The following HORMAD2 variants were observed in gnomAD, a reference collection of about 807,000 sequenced individuals.
The protein encoded by HORMAD2 is HORMA domain containing 2, also known as HORMA domain-containing protein 2.
HORMAD2 carries 45 observed loss-of-function variants against 38.8 expected under a neutral mutation model. That is an observed-to-expected ratio of 1.16 (90% CI 0.91 to 1.49). The LOEUF is 1.49. Among genes scored for constraint, HORMAD2 ranks in the 40% most tolerant of loss-of-function variants. The pLI, the probability that HORMAD2 is intolerant of heterozygous loss-of-function variation, is 0.00. For synonymous variants in HORMAD2, 126 were observed against 122.8 expected (o/e 1.03, Z -0.17); for missense variants, 338 against 367.0 (o/e 0.92, Z 0.65).
rs775369095 is a variant in HORMAD2, at chr22:30,098,946, T to C, written c.146T>C (p.Leu49Pro). Residue 49 changes from leucine to proline, a missense_variant, in exon 3 of 11, where the codon CTA becomes CCA. Coordinates refer to ENST00000336726, the MANE Select transcript of HORMAD2 (RefSeq NM_152510.4). ...FATSISCITYLRGLFPESSYG... is the reference protein window; with the variant it reads ...FATSISCITYPRGLFPESSYG... ...ACTTCCATCTCATGTATAACATACC[T>C]AAGGGGCCTGTTTCCAGAGAGCTCT... 5.0e-6 allele frequency: 8 copies of C among 1,613,080 alleles called. No homozygotes were observed. The Admixed American group carries it at 1.2e-4, about 24-fold the overall frequency.
the HORMAD2 span, among the ~76,000 whole-genome samples, chr22:30,194,849 G>T: frequency 1.3e-5 from 2 of 152,116 alleles, no homozygotes; most frequent in African/African-American, 4.8e-5. Context: ...TTTATAGCCC[G>T]TGTTGGTCAT....
chr22:30,190,317 A>C, the HORMAD2 span, among the ~76,000 whole-genome samples: 2 of 152,248 alleles, frequency 1.3e-5, no homozygotes, highest in Non-Finnish European at 2.9e-5. Context: ...CTGCAGTTCA[A>C]GTACATTTCA....
At chr22:30,155,422 G>A (rs1318562776) in intron 10 of HORMAD2, among the ~76,000 whole-genome samples, 1 of 152,106 alleles carries the variant, frequency 6.6e-6, no homozygotes, top group Non-Finnish European at 1.5e-5. Context: ...TCTCTAAGAT[G>A]TTGCCAGTGG....
intron 10 of HORMAD2, among the ~76,000 whole-genome samples, chr22:30,139,254 CTATATATATATA>C (rs3067131): frequency 0.068 from 6,604 of 96,738 alleles, 311 homozygotes; most frequent in South Asian, 0.13. Flanking sequence ...ATGAACTGTA[CTATATATATATA>C]TATATATATA....
In HORMAD2 at chr22:30,122,107, G is replaced by A; in HGVS notation, c.712G>A (p.Ala238Thr). Reference protein sequence around the residue: ...HSMKVKVMTEATKVIDLENNL... With the variant: ...HSMKVKVMTETTKVIDLENNL... Reference sequence around the variant, plus strand: ...CATGAAAGTAAAAGTCATGACAGAGGCTACAAAAGTGATTGATTTGGAGAA... The same window carrying A: ...CATGAAAGTAAAAGTCATGACAGAGACTACAAAAGTGATTGATTTGGAGAA... Residue 238 changes from alanine (A) to threonine (T), a missense_variant, in exon 10 of 11, where the codon GCT (alanine) becomes ACT (threonine). Ala to Thr is a moderately conservative substitution (Grantham distance 58). Transcript: ENST00000336726. 6.2e-7 allele frequency: 1 copy of A among 1,613,730 alleles called. No individual in the cohort carries two copies. Among genetic ancestry groups the A allele is most frequent in the Non-Finnish European group, 8.5e-7 (1 of 1,179,786 alleles).
chr22:30,196,553 A>G, the HORMAD2 span, among the ~76,000 whole-genome samples: 1 of 152,220 alleles, frequency 6.6e-6, no homozygotes, highest in South Asian at 2.1e-4. Flanking sequence ...GTTGGCCAGC[A>G]GCTCAGATAA....
At chr22:30,182,157 G>A in the HORMAD2 span, among the ~76,000 whole-genome samples, 10 of 152,132 alleles carry the variant, frequency 6.6e-5, no homozygotes, top group Admixed American at 5.9e-4. Flanking sequence ...GACTCTGTTC[G>A]ACAATTTTAA....
At chr22:30,086,469 A>G (rs575256562) in intron 1 of HORMAD2, among the ~76,000 whole-genome samples, 41 of 152,298 alleles carry the variant, frequency 2.7e-4, no homozygotes, top group African/African-American at 9.4e-4. Context: ...AGGTAAGAAT[A>G]GCTGGTAAAT....
At chr22:30,121,828 TG>T in intron 9 of HORMAD2, 39 bp downstream of exon 9, 1 of 1,574,836 alleles carries the variant, frequency 6.3e-7, no homozygotes, top group Non-Finnish European at 8.6e-7. Context: ...CCTTAAGTGC[TG>T]AGCTAATATT....
At chr22:30,200,828 C>A in the HORMAD2 span, among the ~76,000 whole-genome samples, 1 of 151,818 alleles carries the variant, frequency 6.6e-6, no homozygotes, top group East Asian at 1.9e-4. Flanking sequence ...TGGCTCACTG[C>A]AACCTCTGCC....
chr22:30,109,035 C>CT (rs952075292), intron 5 of HORMAD2, among the ~76,000 whole-genome samples: 92 of 133,226 alleles, frequency 6.9e-4, no homozygotes, highest in South Asian at 7.2e-4. Flanking sequence ...TTCCTTTCTT[C>CT]TTTTTTTTTT....
At chr22:30,095,105 A>G (rs2068759116) in intron 2 of HORMAD2, among the ~76,000 whole-genome samples, 1 of 152,190 alleles carries the variant, frequency 6.6e-6, no homozygotes, top group African/African-American at 2.4e-5. Flanking sequence ...AAAACTGGCA[A>G]TCGAAAAATC....
At chr22:30,082,530 T>C (rs538629037) in intron 1 of HORMAD2, among the ~76,000 whole-genome samples, 6 of 152,072 alleles carry the variant, frequency 3.9e-5, no homozygotes, top group African/African-American at 1.4e-4. Context: ...GTGTCTCATA[T>C]GTGTAATCCC....
chr22:30,087,840 A>G (rs936754023), intron 1 of HORMAD2, among the ~76,000 whole-genome samples: 3 of 152,180 alleles, frequency 2.0e-5, no homozygotes, highest in African/African-American at 7.2e-5. Flanking sequence ...GAAACTGCCC[A>G]GATGATCCAG....
At chr22:30,182,342 C>T in the HORMAD2 span, among the ~76,000 whole-genome samples, 1 of 152,192 alleles carries the variant, frequency 6.6e-6, no homozygotes, top group Non-Finnish European at 1.5e-5. Context: ...TATGAGGTAT[C>T]ATCTGATACC....
the HORMAD2 span, among the ~76,000 whole-genome samples, chr22:30,197,342 T>A: frequency 6.6e-6 from 1 of 152,104 alleles, no homozygotes; most frequent in Non-Finnish European, 1.5e-5. Context: ...CTAGCCCACA[T>A]TTGTGGCATA....
At chr22:30,183,733 A>G in the HORMAD2 span, among the ~76,000 whole-genome samples, 1 of 152,076 alleles carries the variant, frequency 6.6e-6, no homozygotes, top group African/African-American at 2.4e-5. Context: ...ATTCAGACCC[A>G]CACAGAAAGA....
chr22:30,084,390 A>G (rs569401501), intron 1 of HORMAD2, among the ~76,000 whole-genome samples: 6 of 152,166 alleles, frequency 3.9e-5, no homozygotes, highest in Admixed American at 6.5e-5. Context: ...GGGTAACAAT[A>G]TTAATCCATT....
chr22:30,168,257 T>C (rs1193094731), intron 10 of HORMAD2, among the ~76,000 whole-genome samples: 1 of 152,196 alleles, frequency 6.6e-6, no homozygotes, highest in Non-Finnish European at 1.5e-5. Flanking sequence ...TAGAAATAAT[T>C]AAGGCCATCA....
Sources: gnomAD v4.1 joint callset for allele counts (sites outside exome capture counted in the v4.1 genomes callset) on GRCh38, gnomAD v4.1.1 for gene constraint, MANE v1.5 for transcripts, NCBI Gene and HGNC (gene_info 2026-07-23, HGNC 2026-07-21) for gene names.